The following CDH4 variants were observed in gnomAD, a reference collection of about 807,000 sequenced individuals.
The protein encoded by CDH4 is cadherin 4.
In CDH4, 33 loss-of-function variants were observed where a neutral mutation model predicts 86.0. The observed-to-expected ratio is 0.38, with a 90% CI of 0.29 to 0.51. The LOEUF (loss-of-function observed/expected upper bound fraction) is 0.51. Ranked by LOEUF, CDH4 falls within the 20% of genes least tolerant of loss-of-function variation. The pLI is 0.86. For synonymous variants in CDH4, 555 were observed against 549.4 expected, an observed-to-expected ratio of 1.01 and a Z score of -0.14; for missense variants, 1,114 against 1,307.4, an observed-to-expected ratio of 0.85 and a Z score of 2.28.
chr20:61,898,759 C>T (rs1299271385), intron 8 of CDH4, among the ~76,000 whole-genome samples: 1 of 152,358 alleles, frequency 6.6e-6, no homozygotes, highest in South Asian at 2.1e-4. Context: ...AATCCCACCT[C>T]AAGGTGTCGT....
At chr20:61,490,706 A>C (rs1347193750) in intron 2 of CDH4, among the ~76,000 whole-genome samples, 1 of 152,066 alleles carries the variant, frequency 6.6e-6, no homozygotes, top group African/African-American at 2.4e-5. Context: ...CTCAAAAAAA[A>C]AAAGTTACAG....
intron 2 of CDH4, among the ~76,000 whole-genome samples, chr20:61,647,850 A>T (rs1054491889): frequency 6.6e-6 from 1 of 152,144 alleles, no homozygotes; most frequent in African/African-American, 2.4e-5. Flanking sequence ...AACAGCCCCC[A>T]GGGGACAGTT....
intron 2 of CDH4, among the ~76,000 whole-genome samples, chr20:61,596,402 T>C (rs979019651): frequency 1.1e-4 from 16 of 152,096 alleles, no homozygotes; most frequent in South Asian, 2.1e-4. Context: ...ACCCAACTCA[T>C]CGTGTGCAGA....
At chr20:61,407,121 T>C (rs1340292225) in intron 2 of CDH4, among the ~76,000 whole-genome samples, 2 of 152,218 alleles carry the variant, frequency 1.3e-5, no homozygotes, top group Admixed American at 1.3e-4. Flanking sequence ...CAAGCAAAGA[T>C]GTACCACTTG....
chr20:61,401,090 TCCAGC>T (rs936595031), intron 2 of CDH4, among the ~76,000 whole-genome samples: 10 of 152,180 alleles, frequency 6.6e-5, no homozygotes, highest in Non-Finnish European at 1.5e-4. Context: ...TGCAGGCCTC[TCCAGC>T]CTCATGCTCA....
chr20:61,270,789 A>T (rs1335150463), intron 2 of CDH4, among the ~76,000 whole-genome samples: 3 of 152,122 alleles, frequency 2.0e-5, no homozygotes, highest in African/African-American at 7.2e-5. Flanking sequence ...GTGAGCTTCA[A>T]GTGTTTTTTT....
At chr20:61,345,738 C>T (rs2084675776) in intron 2 of CDH4, among the ~76,000 whole-genome samples, 1 of 152,192 alleles carries the variant, frequency 6.6e-6, no homozygotes, top group Non-Finnish European at 1.5e-5. Flanking sequence ...AAGCGGCTGC[C>T]AGGAGTGAGT....
At position 61,417,760 on chromosome 20, in the gene CDH4, T is replaced by C. The variant is rs371871851; in HGVS notation, c.169+162823T>C. 7.9e-5 allele frequency among the ~76,000 whole-genome samples: 12 copies of C among 152,160 alleles called. No homozygotes were observed. Among genetic ancestry groups the C allele is most frequent in the African/African-American group, 2.9e-4 (12 of 41,450 alleles). On this transcript the variant is annotated intron_variant, in intron 2 of 15. Coordinates refer to ENST00000614565, the MANE Select transcript of CDH4 (RefSeq NM_001794.5). This position sits in a 1 kb window ranked among gnomAD's most constrained non-coding sequence, Gnocchi z 4.0. Reference sequence around the variant, plus strand: ...GGAAGTGGGCACAGGAGCCTTGACCTGACAAGGTCCTCGAGGCCAGGCGAG... The same window carrying C: ...GGAAGTGGGCACAGGAGCCTTGACCCGACAAGGTCCTCGAGGCCAGGCGAG...
At chr20:61,699,543 C>T (rs1046508838) in intron 2 of CDH4, among the ~76,000 whole-genome samples, 3 of 152,164 alleles carry the variant, frequency 2.0e-5, no homozygotes, top group Admixed American at 6.5e-5. Context: ...GTTGTCCACT[C>T]GAGAAAGTGT....
chr20:61,898,827 A>G (rs575755182), intron 8 of CDH4, among the ~76,000 whole-genome samples: 1 of 152,330 alleles, frequency 6.6e-6, no homozygotes, highest in South Asian at 2.1e-4. Context: ...AATCTGCTCT[A>G]AAAATGCCAT....
chr20:61,814,882 GC>G (rs1342091138), intron 4 of CDH4, among the ~76,000 whole-genome samples: 1 of 152,172 alleles, frequency 6.6e-6, no homozygotes, highest in African/African-American at 2.4e-5. Flanking sequence ...AGGTGCTGAG[GC>G]CCAGTCTCCA....
At chr20:61,354,965 G>T (rs558837052) in intron 2 of CDH4, among the ~76,000 whole-genome samples, 1 of 152,136 alleles carries the variant, frequency 6.6e-6, no homozygotes, top group African/African-American at 2.4e-5. Flanking sequence ...TTGGAATGGC[G>T]CATTAACATT....
At chr20:61,564,721 A>G (rs547064164) in intron 2 of CDH4, among the ~76,000 whole-genome samples, 2 of 152,294 alleles carry the variant, frequency 1.3e-5, no homozygotes, top group Non-Finnish European at 2.9e-5. Flanking sequence ...GGAGTAACAC[A>G]TGTAGATAAC....
intron 2 of CDH4, among the ~76,000 whole-genome samples, chr20:61,475,263 G>A (rs979533379): frequency 6.6e-6 from 1 of 151,784 alleles, no homozygotes; most frequent in African/African-American, 2.4e-5. Context: ...AAACCACAGG[G>A]GTGGAATTAA....
At chr20:61,340,251 C>T (rs1446786091) in intron 2 of CDH4, among the ~76,000 whole-genome samples, 1 of 152,110 alleles carries the variant, frequency 6.6e-6, no homozygotes, top group Non-Finnish European at 1.5e-5. Flanking sequence ...TCAACCTGAC[C>T]CTGAGTCACA....
intron 2 of CDH4, among the ~76,000 whole-genome samples, chr20:61,465,812 C>G (rs534206993): frequency 6.6e-6 from 1 of 151,064 alleles, no homozygotes; most frequent in Non-Finnish European, 1.5e-5. Context: ...CCAGAAGAAT[C>G]GATTCCTGAA....
At chr20:61,430,296 G>C (rs1164163094) in intron 2 of CDH4, among the ~76,000 whole-genome samples, 2 of 152,222 alleles carry the variant, frequency 1.3e-5, no homozygotes. Flanking sequence ...TGCGCTTGCA[G>C]AGAAGGGGGC....
chr20:61,797,091 C>T (rs867286882), intron 4 of CDH4, among the ~76,000 whole-genome samples: 4,177 of 151,980 alleles, frequency 0.027, 206 homozygotes, highest in African/African-American at 0.095. Flanking sequence ...GAGCCCCCCC[C>T]CCCCCAACAC....
chr20:61,302,826 G>A (rs2084393346), intron 2 of CDH4, among the ~76,000 whole-genome samples: 1 of 152,204 alleles, frequency 6.6e-6, no homozygotes, highest in Non-Finnish European at 1.5e-5. Context: ...GAGATGGGAG[G>A]TTATCCTGGT....
Sources: gnomAD v4.1 joint callset for allele counts (sites outside exome capture counted in the v4.1 genomes callset) on GRCh38, gnomAD v4.1.1 for gene constraint, Gnocchi (gnomAD v3.1) non-coding constraint, MANE v1.5 for transcripts, NCBI Gene and HGNC (gene_info 2026-07-23, HGNC 2026-07-21) for gene names.